The following LRP5 variants were observed in gnomAD, a reference collection of about 807,000 sequenced individuals.
LRP5 encodes the protein LDL receptor related protein 5, also known as low-density lipoprotein receptor-related protein 5.
LRP5 carries 62 observed loss-of-function variants against 154.1 expected under a neutral mutation model. The observed-to-expected ratio is 0.40, with a 90% confidence interval of 0.33 to 0.50. The LOEUF is 0.50. Among genes scored for constraint, LRP5 ranks in the 20% least tolerant of loss-of-function variants. LRP5 has a pLI of 0.55. For synonymous variants in LRP5, 966 were observed against 1,011.5 expected (o/e 0.96, Z 0.85); for missense variants, 1,915 against 2,336.7 (o/e 0.82, Z 3.72).
chr11:68,439,712 A>G (rs1288954134), intron 20 of LRP5, 65 bp from the exon 21 acceptor site: 2 of 1,556,502 alleles, frequency 1.3e-6, no homozygotes, highest in Non-Finnish European at 1.7e-6. Context: ...AGAGCGCCCT[A>G]TGTCTGTGGG....
chr11:68,346,464 C>A (rs576069145), intron 1 of LRP5, among the ~76,000 whole-genome samples: 22 of 152,348 alleles, frequency 1.4e-4, no homozygotes, highest in South Asian at 2.1e-4. Flanking sequence ...CTGGGCCATG[C>A]TCTGGCCCTT....
chr11:68,425,927 G>C, intron 15 of LRP5, 51 bp from the exon 16 acceptor site: 1 of 1,518,404 alleles, frequency 6.6e-7, no homozygotes, highest in Non-Finnish European at 9.1e-7. Context: ...TGAGTGTGGG[G>C]CAAGTTCTGG....
At chr11:68,310,934 C>A (rs1031010341), upstream of LRP5, among the ~76,000 whole-genome samples, 3 of 151,924 alleles carry the variant, frequency 2.0e-5, no homozygotes, top group African/African-American at 7.3e-5. Context: ...GTGGTTGGAG[C>A]AGGCCCTGCA....
chr11:68,413,751 G>A lies in LRP5; in HGVS notation c.2566G>A (p.Asp856Asn), dbSNP rs575222684. 9 of 1,613,778 alleles carry A rather than the reference G, an allele frequency of 5.6e-6. No homozygotes were observed. In the East Asian group the frequency reaches 1.6e-4, roughly 28 times the overall value. ...CCCGTTCGGTCTGACGCAGTACAGC[G>A]ATTATATCTACTGGACAGACTGGAA... ...PHPFGLTQYSDYIYWTDWNLH... is the reference protein window; with the variant it reads ...PHPFGLTQYSNYIYWTDWNLH... The change falls in exon 12 of 23, where the codon GAT (aspartate) becomes AAT (asparagine). Residue 856 changes from aspartate to asparagine, a missense_variant. Physicochemically the swap from Asp to Asn is conservative, Grantham distance 23. Transcript: ENST00000294304. This position sits in a 1 kb window ranked among gnomAD's most constrained non-coding sequence, Gnocchi z 5.1.
chr11:68,307,775 A>T (rs930328114), upstream of LRP5, among the ~76,000 whole-genome samples: 10 of 152,112 alleles, frequency 6.6e-5, no homozygotes, highest in African/African-American at 2.2e-4. Flanking sequence ...CCGTAATCAC[A>T]CCACTGCACT....
chr11:68,403,439 T>G, intron 7 of LRP5, 44 bp from the exon 8 acceptor site: 1 of 1,576,140 alleles, frequency 6.3e-7, no homozygotes, highest in South Asian at 1.1e-5. Flanking sequence ...CTCTCGTTGG[T>G]GTGGCCCTGG....
At position 68,386,270 on chromosome 11, in the gene LRP5, T is replaced by G; in HGVS notation, c.1016-46T>G. The G allele has an allele frequency of 6.2e-7, 1 of 1,605,050 alleles. No individual in the cohort carries two copies. The highest frequency in any genetic ancestry group is 8.5e-7 in the Non-Finnish European group (1 of 1,179,666). On this transcript the variant is annotated intron_variant, in intron 5 of 22. Coordinates refer to ENST00000294304, the MANE Select transcript of LRP5 (RefSeq NM_002335.4). The surrounding 1 kb of genome is among the most constrained non-coding windows in gnomAD (Gnocchi z 7.9). ...CCCACCCCAGGCCTAGACTTGTGCC[T>G]GCTGCAGGCCCTTGACCCCTGACCC...
At chr11:68,339,371 G>A (rs370676429) in intron 1 of LRP5, among the ~76,000 whole-genome samples, 1 of 151,244 alleles carries the variant, frequency 6.6e-6, no homozygotes, top group Admixed American at 6.6e-5. Flanking sequence ...TTTCCGAAAC[G>A]GAATTTTGGT....
At chr11:68,352,242 A>G (rs1249602346) in intron 2 of LRP5, among the ~76,000 whole-genome samples, 1 of 152,156 alleles carries the variant, frequency 6.6e-6, no homozygotes, top group East Asian at 1.9e-4. Flanking sequence ...AAGAGAAAAG[A>G]CAGCTGGATT....
In LRP5 at chr11:68,379,051, A is replaced by T. The variant is rs11228223; in HGVS notation, c.1016-7265A>T. 1.2e-3 allele frequency among the ~76,000 whole-genome samples: 186 copies of T among 152,272 alleles called. 1 individual carries two copies. The East Asian group carries it at 0.033, about 27-fold the overall frequency. ...ACAGAGCGAGACTCTGTCTCAAAAA[A>T]AAAAATAAAAATAAAATAAATAAAT... On this transcript the variant is annotated intron_variant, in intron 5 of 22. Coordinates refer to ENST00000294304, the MANE Select transcript of LRP5 (RefSeq NM_002335.4).
In LRP5 at chr11:68,341,059, C is replaced by CCTTTTTTTTTTTTTTTTTTTTTTTTTTTT. The variant is rs1555071026; in HGVS notation, c.92-6788_92-6787insCTTTTTTTTTTTTTTTTTTTTTTTTTTTT. Among the ~76,000 whole-genome samples, 15 of 83,472 alleles carry CCTTTTTTTTTTTTTTTTTTTTTTTTTTTT rather than the reference C, an allele frequency of 1.8e-4. 1 individual carries two copies. Among genetic ancestry groups the CCTTTTTTTTTTTTTTTTTTTTTTTTTTTT allele is most frequent in the African/African-American group, 5.7e-4 (12 of 21,014 alleles). The allele number at this position is 83,472 out of a possible 152,430, so 54.8% of individuals were successfully genotyped here. A position where few individuals can be genotyped will look rare whatever the true frequency, so the allele number is the denominator to read the frequency against. ...GTTACCCCTGCCGCTGGAGATTGTT[C>CCTTTTTTTTTTTTTTTTTTTTTTTTTTTT]TTTTTTTTTTTTTTTTTTTGCTATT... On this transcript the variant is annotated intron_variant, in intron 1 of 22. Transcript: ENST00000294304.
upstream of LRP5, among the ~76,000 whole-genome samples, chr11:68,312,241 C>G (rs1306485027): frequency 6.6e-6 from 1 of 152,130 alleles, no homozygotes; most frequent in Admixed American, 6.5e-5. Flanking sequence ...GCTGCCCGCC[C>G]TGAAACTGCC....
At chr11:68,435,691 A>G (rs902139876) in intron 18 of LRP5, among the ~76,000 whole-genome samples, 19 of 152,112 alleles carry the variant, frequency 1.2e-4, no homozygotes, top group African/African-American at 4.3e-4. Context: ...GTTCTATGCT[A>G]TGCTATGCTA....
intron 13 of LRP5, among the ~76,000 whole-genome samples, chr11:68,420,569 T>G (rs2098664987): frequency 6.6e-6 from 1 of 152,040 alleles, no homozygotes; most frequent in Admixed American, 6.6e-5. Context: ...CTGGGTGTGG[T>G]GGCGCGCACC....
chr11:68,326,943 T>A (rs971615750), intron 1 of LRP5, among the ~76,000 whole-genome samples: 6 of 152,220 alleles, frequency 3.9e-5, no homozygotes, highest in Non-Finnish European at 1.5e-5. Flanking sequence ...GTCCTGCAGA[T>A]GTCAACACCC....
rs1322613683 is a variant in LRP5 at position 68,439,864 on chromosome 11, C to G, written c.4436C>G (p.Thr1479Arg). Reference sequence around the variant, plus strand: ...CCCCTCTACGACCGGAACCACGTCACAGGGGCCTCGTCCAGCAGCTCGTCC... The same window carrying G: ...CCCCTCTACGACCGGAACCACGTCAGAGGGGCCTCGTCCAGCAGCTCGTCC... ...GVPLYDRNHVTGASSSSSSST... is the reference protein window; with the variant it reads ...GVPLYDRNHVRGASSSSSSST... The change falls in exon 21 of 23, where the codon ACA becomes AGA. Residue 1479 changes from threonine to arginine, a missense_variant. Around this residue, in one of 3 missense-constraint regions of LRP5, gnomAD observed 1,094 missense variants for 1,210.1 expected, o/e 0.90. Coordinates refer to ENST00000294304, the MANE Select transcript of LRP5 (RefSeq NM_002335.4). 6.2e-7 allele frequency: 1 copy of G among 1,603,464 alleles called. No individual in the cohort carries two copies. Among genetic ancestry groups the G allele is most frequent in the Non-Finnish European group, 8.5e-7 (1 of 1,176,850 alleles).
intron 1 of LRP5, among the ~76,000 whole-genome samples, chr11:68,332,648 A>C (rs529918658): frequency 6.6e-6 from 1 of 152,318 alleles, no homozygotes; most frequent in South Asian, 2.1e-4. Flanking sequence ...GGCTGGAGGC[A>C]TGGAGGTGGT....
chr11:68,314,449 A>T (rs1332301906), intron 1 of LRP5, among the ~76,000 whole-genome samples: 1 of 152,202 alleles, frequency 6.6e-6, no homozygotes, highest in East Asian at 1.9e-4. Context: ...AAGGAAAGGG[A>T]GGAATCTTTC....
chr11:68,413,890 G>T lies in LRP5; in HGVS notation c.2705G>T (p.Gly902Val), dbSNP rs1472761310. ...ILVFHSSRQDGLNDCMHNNGQ... is the reference protein window; with the variant it reads ...ILVFHSSRQDVLNDCMHNNGQ... ...GTGTTCCACTCCTCCCGCCAGGATGGCCTCAATGACTGTATGCACAACAAC... is the reference window on the plus strand; with the variant it reads ...GTGTTCCACTCCTCCCGCCAGGATGTCCTCAATGACTGTATGCACAACAAC... Residue 902 changes from glycine to valine, a missense_variant, in exon 12 of 23, where the codon GGC (glycine) becomes GTC (valine). By Grantham distance (109) the Gly-to-Val change is moderately radical. This residue lies in a region of LRP5 where 1,094 missense variants were observed against 1,210.1 expected (regional missense o/e 0.90). Transcript: ENST00000294304. The surrounding 1 kb of genome is among the most constrained non-coding windows in gnomAD (Gnocchi z 5.1). 6.2e-7 allele frequency: 1 copy of T among 1,613,024 alleles called. No individual in the cohort carries two copies.
Sources: allele counts gnomAD v4.1 joint callset (sites outside exome capture counted in the v4.1 genomes callset), GRCh38; gene constraint gnomAD v4.1.1; regional missense constraint gnomAD v4.1.1; non-coding constraint Gnocchi (gnomAD v3.1); transcripts MANE v1.5; gene names NCBI Gene and HGNC (gene_info 2026-07-23, HGNC 2026-07-21).